SNX5: variants seen among roughly 807,000 people sequenced by gnomAD.
SNX5 encodes sorting nexin-5.
In SNX5, 31 loss-of-function variants were observed where a neutral mutation model predicts 53.9. The ratio of observed to expected loss-of-function variants is 0.58; its 90% CI spans 0.43 to 0.78. The LOEUF (loss-of-function observed/expected upper bound fraction) is 0.78, where lower values mean the gene tolerates loss of function less well. Ranked by LOEUF, SNX5 falls within the 30% of genes least tolerant of loss-of-function variation. The pLI, the probability that SNX5 is intolerant of heterozygous loss-of-function variation, is 0.00. For missense variants in SNX5, 471 were observed against 478.8 expected (o/e 0.98, Z 0.15); for synonymous variants, 168 against 171.1 (o/e 0.98, Z 0.14).
At chr20:17,949,592 A>C (rs1185177525) in intron 8 of SNX5, among the ~76,000 whole-genome samples, 3 of 152,224 alleles carry the variant, frequency 2.0e-5, no homozygotes, top group Non-Finnish European at 4.4e-5. Context: ...GTGCAGAGTG[A>C]AAATGGAAGG....
Position 17,961,888 on chromosome 20 carries a change from C to T in SNX5, c.52-4851G>A, listed in dbSNP as rs117252642. ...TTTTCAGCTGGAAAGATATCCACAC[C>T]TTGCCTAGTCCAATATTTGTTAAGT... On this transcript the variant is annotated intron_variant, in intron 1 of 12. Transcript: ENST00000377759. 1,805 of 985,346 alleles carry T rather than the reference C, an allele frequency of 1.8e-3. 44 individuals are homozygous for T. The East Asian group carries it at 0.076, about 42-fold the overall frequency. 61.0% of individuals were successfully genotyped at this position (985,346 alleles called of 1,614,324 possible).
intron 1 of SNX5, among the ~76,000 whole-genome samples, chr20:17,960,741 C>T (rs1476404631): frequency 6.8e-6 from 1 of 146,548 alleles, no homozygotes; most frequent in African/African-American, 2.5e-5. Context: ...CGCACCACTG[C>T]ACTTCAGCCT....
intron 12 of SNX5, chr20:17,942,849 G>C (rs915440953): frequency 2.5e-6 from 1 of 406,502 alleles, no homozygotes; most frequent in Non-Finnish European, 4.4e-6. Context: ...CCTGAGGTCA[G>C]GGGTTCAAGT....
intron 1 of SNX5, chr20:17,967,945 A>C (rs527525401): frequency 3.5e-4 from 140 of 397,512 alleles, no homozygotes; most frequent in Non-Finnish European, 5.0e-4. Flanking sequence ...CCCCCCAAAA[A>C]AGTCTTCTCA....
chr20:17,961,572 A>G, intron 1 of SNX5: 3 of 982,494 alleles, frequency 3.1e-6, no homozygotes, highest in Non-Finnish European at 3.6e-6. Context: ...GCTAGCCTGT[A>G]TTTTCCTATT....
chr20:17,956,686 A>AAC, intron 2 of SNX5, among the ~76,000 whole-genome samples: 1 of 80,078 alleles, frequency 1.2e-5, no homozygotes, highest in South Asian at 6.9e-4. Flanking sequence ...AAAAAAAAAA[A>AAC]AAAAAAAAAA....
chr20:17,942,509 A>T, intron 12 of SNX5, 102 bp from the exon 13 acceptor site: 1 of 851,980 alleles, frequency 1.2e-6, no homozygotes, highest in Non-Finnish European at 2.0e-6. Flanking sequence ...GGAGGTTTAA[A>T]GTCAGCCAGA....
chr20:17,966,627 G>T (rs1239747505), intron 1 of SNX5, among the ~76,000 whole-genome samples: 1 of 152,210 alleles, frequency 6.6e-6, no homozygotes, highest in Non-Finnish European at 1.5e-5. Flanking sequence ...GAAGAATCAA[G>T]TATGTCCCCC....
At chr20:17,953,256 T>C (rs775719819) in intron 4 of SNX5, among the ~76,000 whole-genome samples, 15 of 152,068 alleles carry the variant, frequency 9.9e-5, no homozygotes, top group Non-Finnish European at 2.1e-4. Context: ...CTGCCCTAGA[T>C]GACACAGGGG....
intron 1 of SNX5, among the ~76,000 whole-genome samples, chr20:17,958,147 G>C (rs1341549106): frequency 1.3e-5 from 2 of 152,152 alleles, no homozygotes; most frequent in Non-Finnish European, 2.9e-5. Flanking sequence ...AAGGCACGAG[G>C]AACTCATAGC....
Position 17,953,988 on chromosome 20 carries a change from C to T in SNX5, c.389+8G>A. ...AAAAGACAGAGCCCACCAGGAAAAT[C>T]CACTTACGCTTCCAGTTCTTGTTTC... On this transcript the variant is annotated splice_region_variant and intron_variant, in intron 4 of 12. Coordinates refer to ENST00000377759, the MANE Select transcript of SNX5 (RefSeq NM_014426.4). The T allele has an allele frequency of 6.2e-7, 1 of 1,611,418 alleles. No homozygotes were observed. The highest frequency in any genetic ancestry group is 1.7e-5 in the Admixed American group (1 of 59,916).
In SNX5 at chr20:17,954,609, T is replaced by G. The variant is rs76803387; in HGVS notation, c.268-492A>C. On this transcript the variant is annotated intron_variant, in intron 3 of 12. Coordinates refer to ENST00000377759, the MANE Select transcript of SNX5 (RefSeq NM_014426.4). The stretch of plus-strand genomic sequence containing the variant: ...CATCATTTGGAGAGCTTCTTCAGTC[T>G]GCCTGGCAGGACAAAACGCGTGGAA... Among the ~76,000 whole-genome samples, 952 of 152,342 alleles carry G rather than the reference T, an allele frequency of 6.2e-3. 10 individuals are homozygous for G. Among genetic ancestry groups the G allele is most frequent in the African/African-American group, 0.022 (931 of 41,588 alleles).
chr20:17,959,936 A>G (rs2035421299), intron 1 of SNX5, among the ~76,000 whole-genome samples: 1 of 152,078 alleles, frequency 6.6e-6, no homozygotes, highest in Admixed American at 6.6e-5. Context: ...AAGGGCTCAG[A>G]GTACTCCTTA....
At chr20:17,955,522 A>G (rs1024147156) in intron 2 of SNX5, 47 bp from the exon 3 acceptor site, 6 of 1,355,218 alleles carry the variant, frequency 4.4e-6, no homozygotes, top group Non-Finnish European at 6.3e-6. Context: ...CTTTTAGATA[A>G]GTGATCTGGG....
In SNX5 at chr20:17,947,608, T is replaced by A. The variant is rs773664052; in HGVS notation, c.956A>T (p.Tyr319Phe). The A allele has an allele frequency of 6.2e-7, 1 of 1,614,012 alleles. No homozygotes were observed. The highest frequency in any genetic ancestry group is 1.1e-5 in the South Asian group (1 of 91,052). ...LYRRTKALID[Y>F]ENSNKALDKA... ...ATCCAGAGCTTTGTTTGAGTTCTCA[T>A]AGTCAATGAGGGCTTTGGTGCGTCT... The change falls in exon 11 of 13, where the codon TAT becomes TTT. Residue 319 changes from tyrosine to phenylalanine, a missense_variant. By Grantham distance (22) the Tyr-to-Phe change is conservative (BLOSUM62 3). Coordinates refer to ENST00000377759, the MANE Select transcript of SNX5 (RefSeq NM_014426.4).
chr20:17,956,695 A>AC (rs2035364711), intron 2 of SNX5, among the ~76,000 whole-genome samples: 10 of 129,184 alleles, frequency 7.7e-5, no homozygotes, highest in African/African-American at 1.6e-4. Flanking sequence ...AAAAAAAAAA[A>AC]AAAAAAAAAC....
At chr20:17,954,905 T>G (rs972462894) in intron 3 of SNX5, among the ~76,000 whole-genome samples, 8 of 152,074 alleles carry the variant, frequency 5.3e-5, no homozygotes, top group Admixed American at 2.6e-4. Flanking sequence ...AGAGACAGGG[T>G]CTCATCATGT....
rs1365573783 is a variant in SNX5, at chr20:17,953,865, A to G, written c.389+131T>C. On this transcript the variant is annotated intron_variant, in intron 4 of 12. Transcript: ENST00000377759. ...GCAAGATGTATTACTAGTTTTAGAA[A>G]ACGACGCTAGGGACCTAATTAAACA... is the stretch of plus-strand genomic sequence containing the variant. 1.9e-5 allele frequency: 14 copies of G among 728,044 alleles called. No individual in the cohort carries two copies. The Admixed American group carries it at 2.4e-4, about 12-fold the overall frequency. 45.1% of individuals were successfully genotyped at this position (728,044 alleles called of 1,614,324 possible).
intron 1 of SNX5, among the ~76,000 whole-genome samples, chr20:17,958,585 T>G (rs887858007): frequency 2.6e-5 from 4 of 152,228 alleles, no homozygotes; most frequent in Admixed American, 1.3e-4. Flanking sequence ...ACAGATACTT[T>G]TGAGTCCTCA....
Sources: gnomAD v4.1 joint callset for allele counts (sites outside exome capture counted in the v4.1 genomes callset) on GRCh38, gnomAD v4.1.1 for gene constraint, MANE v1.5 for transcripts, NCBI Gene and HGNC (gene_info 2026-07-23, HGNC 2026-07-21) for gene names.